Variants in MTMR6 observed in about 807,000 individuals in gnomAD.
The protein encoded by MTMR6 is phosphatidylinositol-3,5-bisphosphate 3-phosphatase MTMR6.
MTMR6 carries 47 observed loss-of-function variants against 80.1 expected under a neutral mutation model. The observed-to-expected ratio is 0.59, with a 90% confidence interval of 0.46 to 0.75. MTMR6 has a LOEUF of 0.75. Ranked by LOEUF, MTMR6 falls within the 30% of genes least tolerant of loss-of-function variation. The pLI is 0.00. For missense variants in MTMR6, 629 were observed against 730.9 expected (o/e 0.86, Z 1.61); for synonymous variants, 254 against 253.0 (o/e 1.00, Z -0.04).
At chr13:25,276,558 G>A (rs554832260) in intron 1 of MTMR6, among the ~76,000 whole-genome samples, 27 of 152,250 alleles carry the variant, frequency 1.8e-4, no homozygotes, top group African/African-American at 6.0e-4. Flanking sequence ...TCTCTATGAG[G>A]CACAAGTATC....
rs554026561 is a variant in MTMR6, at chr13:25,271,886, C to A, written c.141+2185G>T. Among the ~76,000 whole-genome samples, 3 of 152,190 alleles carry A rather than the reference C, an allele frequency of 2.0e-5. No individual in the cohort carries two copies. In the South Asian group the frequency reaches 6.2e-4, roughly 32 times the overall value. On this transcript the variant is annotated intron_variant, in intron 2 of 13. Transcript: ENST00000381801. ...AACAAAGAATCCAAAATAGCCATGGCAATTTTGAAGAACAAGTTGGGAGGG... is the reference window on the plus strand; with the variant it reads ...AACAAAGAATCCAAAATAGCCATGGAAATTTTGAAGAACAAGTTGGGAGGG...
Position 25,249,543 on chromosome 13 carries a change from T to C in MTMR6, c.1606-51A>G, listed in dbSNP as rs372629475. 33 of 1,551,782 alleles carry C rather than the reference T, an allele frequency of 2.1e-5. No individual in the cohort carries two copies. The East Asian group carries it at 3.4e-4, about 16-fold the overall frequency. On this transcript the variant is annotated intron_variant, in intron 13 of 13. Coordinates refer to ENST00000381801, the MANE Select transcript of MTMR6 (RefSeq NM_004685.5). The stretch of plus-strand genomic sequence containing the variant: ...ATTACTAATTGCATAAGCCACAATA[T>C]GTTACATGAAAAAAGAAAACATGCT...
chr13:25,276,096 C>CGA (rs1957720394), intron 1 of MTMR6, among the ~76,000 whole-genome samples: 1 of 152,144 alleles, frequency 6.6e-6, no homozygotes, highest in African/African-American at 2.4e-5. Flanking sequence ...CTACTGTTTA[C>CGA]TCCTCTTCAT....
rs1957445558 is a variant in MTMR6, at chr13:25,265,941, C to T, written c.469G>A (p.Glu157Lys). 1 of 1,613,258 alleles carries T rather than the reference C, an allele frequency of 6.2e-7. No homozygotes were observed. Residue 157 changes from glutamate to lysine, a missense_variant, in exon 5 of 14, where the codon GAA becomes AAA. By Grantham distance (56) the Glu-to-Lys change is moderately conservative. Transcript: ENST00000381801. Reference sequence around the variant, plus strand: ...ACATAAAGTTCTCTGGGGTAAGTTTCACAAATCTGTAAATATCAAACAAAA... The same window carrying T: ...ACATAAAGTTCTCTGGGGTAAGTTTTACAAATCTGTAAATATCAAACAAAA... ...SDANRDYKIC[E>K]TYPRELYVPR...
intron 1 of MTMR6, among the ~76,000 whole-genome samples, chr13:25,279,913 T>C (rs1957809199): frequency 6.6e-6 from 1 of 152,220 alleles, no homozygotes; most frequent in Non-Finnish European, 1.5e-5. Context: ...TTAAGCACAG[T>C]AGTCCATTAG....
chr13:25,255,054 C>A (rs1957169015), intron 9 of MTMR6, among the ~76,000 whole-genome samples: 1 of 152,200 alleles, frequency 6.6e-6, no homozygotes, highest in Non-Finnish European at 1.5e-5. Context: ...AAACAGATTT[C>A]TAACTTTTTC....
chr13:25,263,396 T>C (rs1162885635), intron 5 of MTMR6, among the ~76,000 whole-genome samples: 2 of 152,160 alleles, frequency 1.3e-5, no homozygotes, highest in Admixed American at 6.5e-5. Context: ...CTGAAGACTC[T>C]ATAGACAATA....
At chr13:25,261,633 A>G in intron 6 of MTMR6, 35 bp downstream of exon 6, 1 of 1,465,486 alleles carries the variant, frequency 6.8e-7, no homozygotes, top group Non-Finnish European at 9.1e-7. Context: ...AAAAATAATT[A>G]AACTAGCAGA....
intron 1 of MTMR6, among the ~76,000 whole-genome samples, chr13:25,275,817 C>T (rs985899744): frequency 4.1e-5 from 6 of 145,464 alleles, no homozygotes; most frequent in Non-Finnish European, 9.0e-5. Flanking sequence ...GCCAAGATTG[C>T]ACCACTGCAC....
At position 25,247,267 on chromosome 13, in the gene MTMR6, C is replaced by G. The variant is rs918346186; in HGVS notation, c.*1965G>C. ...TTGTTTTATCCAGAAGAAAAACATT[C>G]AAAGTAAAATGTGAACATTTAATTA... On this transcript the variant is annotated 3_prime_UTR_variant, in exon 14 of 14. Coordinates refer to ENST00000381801, the MANE Select transcript of MTMR6 (RefSeq NM_004685.5). 1 of 152,326 alleles carries G rather than the reference C, an allele frequency of 6.6e-6. No individual in the cohort carries two copies. Among genetic ancestry groups the G allele is most frequent in the African/African-American group, 2.4e-5 (1 of 41,382 alleles). The allele number at this position is 152,326 out of a possible 1,614,324, so 9.4% of individuals were successfully genotyped here. A position where few individuals can be genotyped will look rare whatever the true frequency, so the allele number is the denominator to read the frequency against.
Position 25,269,024 on chromosome 13 carries a change from T to G in MTMR6, c.142-1083A>C, listed in dbSNP as rs574351902. On this transcript the variant is annotated intron_variant, in intron 2 of 13. Coordinates refer to ENST00000381801, the MANE Select transcript of MTMR6 (RefSeq NM_004685.5). ...CAGATACTGTCGTGATCTAGCTGGG[T>G]GTGCATGTGCTTGGGGCGGTACTGA... Among the ~76,000 whole-genome samples the G allele has an allele frequency of 2.0e-5, 3 of 152,206 alleles. No homozygotes were observed. In the East Asian group the frequency reaches 5.8e-4, roughly 29 times the overall value.
chr13:25,279,851 A>G (rs7995484), intron 1 of MTMR6, among the ~76,000 whole-genome samples: 103,732 of 152,108 alleles, frequency 0.68, 38,756 homozygotes, highest in Non-Finnish European at 0.84. Context: ...AAAAAAAACC[A>G]TATGTTAAGG....
Position 25,287,217 on chromosome 13 carries a change from C to A in MTMR6, c.24+7G>T, listed in dbSNP as rs761539050. On this transcript the variant is annotated splice_region_variant and intron_variant, in intron 1 of 13. Transcript: ENST00000381801. ...CCCTGAAGACTGGCGATCCCGCGCC[C>A]GACTACCTTGGTCGTCCGGATATGC... 5 of 1,596,774 alleles carry A rather than the reference C, an allele frequency of 3.1e-6. No homozygotes were observed. In the African/African-American group the frequency reaches 4.0e-5, roughly 13 times the overall value.
intron 2 of MTMR6, among the ~76,000 whole-genome samples, chr13:25,273,804 C>T (rs547546644): frequency 3.3e-5 from 5 of 152,160 alleles, no homozygotes; most frequent in Non-Finnish European, 7.4e-5. Flanking sequence ...GGATTACAGG[C>T]GTGAGCCACC....
intron 1 of MTMR6, among the ~76,000 whole-genome samples, chr13:25,274,961 T>TACACACACACACATACACAC (rs1957680857): frequency 6.7e-5 from 7 of 105,058 alleles, no homozygotes; most frequent in Non-Finnish European, 1.2e-4. Flanking sequence ...CACACACACA[T>TACACACACACACATACACAC]ACACACACAC....
intron 1 of MTMR6, among the ~76,000 whole-genome samples, chr13:25,280,687 A>G (rs1193382801): frequency 6.6e-6 from 1 of 152,216 alleles, no homozygotes; most frequent in Non-Finnish European, 1.5e-5. Flanking sequence ...CTTTCTGGTC[A>G]CTAACACTGA....
intron 1 of MTMR6, among the ~76,000 whole-genome samples, chr13:25,285,840 C>A (rs963416289): frequency 6.6e-6 from 1 of 152,032 alleles, no homozygotes; most frequent in Non-Finnish European, 1.5e-5. Context: ...AGCCTTTTAC[C>A]GGTTTTCGAT....
chr13:25,264,221 A>G (rs1288643651), intron 5 of MTMR6, among the ~76,000 whole-genome samples: 2 of 151,934 alleles, frequency 1.3e-5, no homozygotes, highest in African/African-American at 4.8e-5. Context: ...AGGATCTAAG[A>G]CACAGACTGG....
intron 2 of MTMR6, among the ~76,000 whole-genome samples, chr13:25,270,413 A>T (rs1366884746): frequency 1.3e-5 from 2 of 152,232 alleles, no homozygotes; most frequent in African/African-American, 4.8e-5. Flanking sequence ...GAAAGCATTT[A>T]AAAGACAACA....
Sources: gnomAD v4.1 joint callset for allele counts (sites outside exome capture counted in the v4.1 genomes callset) on GRCh38, gnomAD v4.1.1 for gene constraint, MANE v1.5 for transcripts, NCBI Gene and HGNC (gene_info 2026-07-23, HGNC 2026-07-21) for gene names.